Variants in DDX46 observed in about 807,000 individuals in gnomAD.
The protein encoded by DDX46 is probable ATP-dependent RNA helicase DDX46.
A neutral mutation model predicts 134.9 loss-of-function variants in DDX46; 30 were observed. That is an observed-to-expected ratio of 0.22 (90% CI 0.17 to 0.30). The LOEUF (loss-of-function observed/expected upper bound fraction) is 0.30, where lower values mean the gene tolerates loss of function less well. Among genes scored for constraint, DDX46 ranks in the 10% least tolerant of loss-of-function variants. The pLI is 1.00. For missense variants in DDX46, 622 were observed against 1,248.7 expected, an observed-to-expected ratio of 0.50 and a Z score of 7.56; for synonymous variants, 415 against 404.1, an observed-to-expected ratio of 1.03 and a Z score of -0.32.
intron 1 of DDX46, among the ~76,000 whole-genome samples, chr5:134,761,913 C>G (rs564843706): frequency 6.6e-6 from 1 of 152,098 alleles, no homozygotes; most frequent in East Asian, 1.9e-4. Flanking sequence ...CTCCTTTTGT[C>G]CTTGCCTCCC....
At chr5:134,805,691 G>A (rs999481120) in intron 15 of DDX46, among the ~76,000 whole-genome samples, 22 of 151,626 alleles carry the variant, frequency 1.5e-4, no homozygotes, top group African/African-American at 4.6e-4. Flanking sequence ...ACCATGCCTG[G>A]TTAATTTTTT....
chr5:134,809,197 T>C (rs866461179), intron 16 of DDX46, among the ~76,000 whole-genome samples: 3 of 152,202 alleles, frequency 2.0e-5, no homozygotes, highest in African/African-American at 4.8e-5. Context: ...CTGAAAATTG[T>C]AGCCTATTTG....
At position 134,767,072 on chromosome 5, in the gene DDX46, A is replaced by G. The variant is rs750265723; in HGVS notation, c.350+12A>G. The stretch of plus-strand genomic sequence containing the variant: ...AAAACTGAGAATAGGTAATGTTATC[A>G]TTGGGCTGCATCTATAGTGCAGACT... On this transcript the variant is annotated intron_variant, in intron 3 of 22. Coordinates refer to ENST00000452510, the MANE Select transcript of DDX46 (RefSeq NM_001300860.2). 3.1e-6 allele frequency: 5 copies of G among 1,609,780 alleles called. No homozygotes were observed. Among genetic ancestry groups the G allele is most frequent in the East Asian group, 2.2e-5 (1 of 44,790 alleles).
At chr5:134,811,868 T>A in intron 18 of DDX46, 23 bp downstream of exon 18, 1 of 1,598,248 alleles carries the variant, frequency 6.3e-7, no homozygotes, top group Non-Finnish European at 8.5e-7. Context: ...ATTCTCTCAT[T>A]CTTAATTGAA....
At chr5:134,762,792 C>G in intron 1 of DDX46, among the ~76,000 whole-genome samples, 1 of 151,898 alleles carries the variant, frequency 6.6e-6, no homozygotes, top group East Asian at 1.9e-4. Context: ...CGCAGTGGCC[C>G]AAGCCTGTAA....
At chr5:134,779,944 C>G (rs910221733) in intron 6 of DDX46, among the ~76,000 whole-genome samples, 1 of 152,110 alleles carries the variant, frequency 6.6e-6, no homozygotes, top group Admixed American at 6.6e-5. Context: ...ACTAAAAATA[C>G]AAGAATTAGC....
At chr5:134,776,160 G>A (rs1362823653) in intron 5 of DDX46, among the ~76,000 whole-genome samples, 4 of 152,120 alleles carry the variant, frequency 2.6e-5, no homozygotes, top group Admixed American at 2.6e-4. Context: ...GGGAGGCTGA[G>A]GCAGGTGGTT....
At chr5:134,796,904 A>T (rs1004754079) in intron 15 of DDX46, among the ~76,000 whole-genome samples, 2 of 144,696 alleles carry the variant, frequency 1.4e-5, no homozygotes, top group African/African-American at 5.1e-5. Flanking sequence ...GTAATCCCAG[A>T]ACTTTGAGAG....
intron 13 of DDX46, among the ~76,000 whole-genome samples, chr5:134,792,466 A>G (rs1754533014): frequency 6.6e-6 from 1 of 152,152 alleles, no homozygotes; most frequent in South Asian, 2.1e-4. Context: ...AAGCAGAGTC[A>G]AGGGGTCTGT....
intron 4 of DDX46, among the ~76,000 whole-genome samples, chr5:134,771,412 G>T (rs1753764662): frequency 7.5e-6 from 1 of 133,236 alleles, no homozygotes; most frequent in African/African-American, 2.7e-5. Flanking sequence ...GTTTCTATGG[G>T]CCAGGCACGG....
chr5:134,811,484 A>C (rs1242953443), intron 17 of DDX46, 126 bp downstream of exon 17: 2 of 1,321,838 alleles, frequency 1.5e-6, no homozygotes, highest in Non-Finnish European at 2.0e-6. Flanking sequence ...ATTTCTCTCT[A>C]GAGGGAAAAA....
In DDX46 at chr5:134,758,807, C is replaced by A. The variant is rs748390075; in HGVS notation, c.-132C>A. ...TTTTCGTTGGCCGCGCTGGGATGGCCGCCACAGCTGTAGGTGCTGCTAGTG... is the reference window on the plus strand; with the variant it reads ...TTTTCGTTGGCCGCGCTGGGATGGCAGCCACAGCTGTAGGTGCTGCTAGTG... On this transcript the variant is annotated 5_prime_UTR_variant, in exon 1 of 23. Transcript: ENST00000452510. 3.8e-4 allele frequency: 542 copies of A among 1,429,910 alleles called. No individual in the cohort carries two copies. The highest frequency in any genetic ancestry group is 2.2e-3 in the Middle Eastern group (11 of 5,054). 88.6% of individuals were successfully genotyped at this position (1,429,910 alleles called of 1,614,324 possible).
chr5:134,777,815 G>T, intron 6 of DDX46, 90 bp downstream of exon 6: 1 of 1,435,998 alleles, frequency 7.0e-7, no homozygotes, highest in Non-Finnish European at 9.3e-7. Context: ...GCATGACTTT[G>T]TAAAGCTAAC....
chr5:134,821,896 G>GTT (rs576418677), intron 21 of DDX46, among the ~76,000 whole-genome samples: 13 of 133,112 alleles, frequency 9.8e-5, no homozygotes, highest in South Asian at 2.4e-4. Flanking sequence ...GTTTTTTTTT[G>GTT]TTTTTTTTTT....
Position 134,830,392 on chromosome 5 carries a change from G to A in DDX46, c.*1686G>A, listed in dbSNP as rs1037761549. The stretch of plus-strand genomic sequence containing the variant: ...AACATCCATGGATTTTGGTATAGAG[G>A]AGGGGTTTAAGGGGTGTCCTGCAAT... On this transcript the variant is annotated 3_prime_UTR_variant, in exon 23 of 23. Coordinates refer to ENST00000452510, the MANE Select transcript of DDX46 (RefSeq NM_001300860.2). The A allele has an allele frequency of 1.3e-5, 2 of 152,020 alleles. No individual in the cohort carries two copies. The highest frequency in any genetic ancestry group is 2.4e-5 in the African/African-American group (1 of 41,338). The allele number at this position is 152,020 out of a possible 1,614,324, so 9.4% of individuals were successfully genotyped here. A position where few individuals can be genotyped will look rare whatever the true frequency, so the allele number is the denominator to read the frequency against.
chr5:134,787,540 A>G (rs551485597), intron 11 of DDX46, among the ~76,000 whole-genome samples: 1 of 152,334 alleles, frequency 6.6e-6, no homozygotes, highest in South Asian at 2.1e-4. Flanking sequence ...TAATTACTTC[A>G]AATTACTTCA....
chr5:134,773,606 A>G, intron 4 of DDX46, 90 bp from the exon 5 acceptor site: 2 of 1,412,902 alleles, frequency 1.4e-6, no homozygotes, highest in Non-Finnish European at 1.9e-6. Flanking sequence ...ACTTTGAAGA[A>G]CTTACTGGAA....
chr5:134,786,849 G>C (rs1164918420), intron 11 of DDX46, among the ~76,000 whole-genome samples: 1 of 152,034 alleles, frequency 6.6e-6, no homozygotes, highest in Non-Finnish European at 1.5e-5. Flanking sequence ...CATCTTGGGG[G>C]GTGGCGGAAG....
chr5:134,772,193 T>C (rs1753793185), intron 4 of DDX46, among the ~76,000 whole-genome samples: 1 of 151,504 alleles, frequency 6.6e-6, no homozygotes, highest in South Asian at 2.1e-4. Context: ...AATCACACCA[T>C]TGCACTCCAG....
Sources: gnomAD v4.1 joint callset for allele counts (sites outside exome capture counted in the v4.1 genomes callset) on GRCh38, gnomAD v4.1.1 for gene constraint, MANE v1.5 for transcripts, NCBI Gene and HGNC (gene_info 2026-07-23, HGNC 2026-07-21) for gene names.